The following F13A1 variants were observed in gnomAD, a reference collection of about 807,000 sequenced individuals.
F13A1 encodes the protein coagulation factor XIII A chain.
A neutral mutation model predicts 80.1 loss-of-function variants in F13A1; 47 were observed. That is an observed-to-expected ratio of 0.59 (90% CI 0.46 to 0.75). The LOEUF is 0.75. Ranked by LOEUF, F13A1 falls within the 30% of genes least tolerant of loss-of-function variation. F13A1 has a pLI of 0.00. For missense variants in F13A1, 817 were observed against 930.4 expected, an observed-to-expected ratio of 0.88 and a Z score of 1.59; for synonymous variants, 349 against 344.9, an observed-to-expected ratio of 1.01 and a Z score of -0.13.
intron 10 of F13A1, among the ~76,000 whole-genome samples, chr6:6,195,171 C>T (rs1280926497): frequency 6.6e-6 from 1 of 152,248 alleles, no homozygotes; most frequent in Non-Finnish European, 1.5e-5. Context: ...TGTTCTGCTT[C>T]CAGTCCCTGC....
chr6:6,208,919 T>C (rs1177330138), intron 8 of F13A1, among the ~76,000 whole-genome samples: 1 of 152,174 alleles, frequency 6.6e-6, no homozygotes, highest in Non-Finnish European at 1.5e-5. Context: ...CTTTGTGACC[T>C]TGGATCAAGT....
chr6:6,229,404 T>C (rs1757320041), intron 6 of F13A1, among the ~76,000 whole-genome samples: 2 of 151,996 alleles, frequency 1.3e-5, no homozygotes, highest in East Asian at 3.9e-4. Flanking sequence ...ATACATATTA[T>C]TAAAAATAAA....
intron 14 of F13A1, among the ~76,000 whole-genome samples, chr6:6,146,696 C>T (rs1481186945): frequency 6.6e-6 from 1 of 152,084 alleles, no homozygotes; most frequent in Non-Finnish European, 1.5e-5. Context: ...AGTGAAGTCC[C>T]TTTTTCAAGA....
intron 11 of F13A1, among the ~76,000 whole-genome samples, chr6:6,179,422 C>T (rs1216595933): frequency 6.6e-6 from 1 of 152,010 alleles, no homozygotes; most frequent in Non-Finnish European, 1.5e-5. Flanking sequence ...TGATTCTACT[C>T]ATTTCCATAT....
chr6:6,302,694 C>T (rs929959748), intron 3 of F13A1, among the ~76,000 whole-genome samples: 1 of 123,390 alleles, frequency 8.1e-6, no homozygotes, highest in Non-Finnish European at 1.5e-5. Context: ...ACTTAGGCTA[C>T]AGTACATTTA....
intron 2 of F13A1, among the ~76,000 whole-genome samples, chr6:6,312,656 T>C (rs36150074): frequency 0.73 from 109,076 of 149,690 alleles, 40,125 homozygotes; most frequent in East Asian, 0.85. Context: ...CCAGCCTGGG[T>C]GACAGAGCAA....
intron 11 of F13A1, among the ~76,000 whole-genome samples, chr6:6,176,226 G>A (rs1012648335): frequency 2.6e-5 from 4 of 152,204 alleles, no homozygotes; most frequent in Non-Finnish European, 5.9e-5. Context: ...TAAAGGTATT[G>A]TCTTCTACTT....
At chr6:6,198,424 G>T (rs1386972999) in intron 8 of F13A1, among the ~76,000 whole-genome samples, 3 of 152,202 alleles carry the variant, frequency 2.0e-5, no homozygotes, top group African/African-American at 7.2e-5. Context: ...ATGTGGTGAG[G>T]TAGTTACAGC....
chr6:6,230,671 A>T (rs1298191751), intron 6 of F13A1, among the ~76,000 whole-genome samples: 6 of 152,144 alleles, frequency 3.9e-5, no homozygotes, highest in Non-Finnish European at 8.8e-5. Context: ...CAAAGCTAAG[A>T]ACCCTAACAG....
intron 8 of F13A1, among the ~76,000 whole-genome samples, chr6:6,204,733 A>G (rs932804501): frequency 3.3e-5 from 5 of 152,240 alleles, no homozygotes; most frequent in Admixed American, 2.6e-4. Flanking sequence ...ATAATGAAGG[A>G]AGATGACAGA....
chr6:6,287,745 C>A (rs1488713936), intron 3 of F13A1, among the ~76,000 whole-genome samples: 1 of 152,164 alleles, frequency 6.6e-6, no homozygotes, highest in Non-Finnish European at 1.5e-5. Flanking sequence ...GGATGGCAAT[C>A]CCACCTACTT....
chr6:6,302,823 A>G (rs1032277845), intron 3 of F13A1, among the ~76,000 whole-genome samples: 2 of 152,204 alleles, frequency 1.3e-5, no homozygotes, highest in African/African-American at 4.8e-5. Flanking sequence ...CATTGACTGA[A>G]ATGTTGCTAT....
chr6:6,214,206 C>G (rs1583075203), intron 8 of F13A1, among the ~76,000 whole-genome samples: 2 of 147,852 alleles, frequency 1.4e-5, no homozygotes, highest in East Asian at 3.9e-4. Context: ...AACTCTCCAC[C>G]CCAAATCAAC....
intron 6 of F13A1, among the ~76,000 whole-genome samples, chr6:6,247,122 T>C (rs78198698): frequency 0.032 from 4,863 of 152,280 alleles, 226 homozygotes; most frequent in African/African-American, 0.1. Flanking sequence ...TTGGTTTCTA[T>C]TTTTACTTTT....
At chr6:6,213,861 A>C (rs1313240528) in intron 8 of F13A1, among the ~76,000 whole-genome samples, 1 of 114,860 alleles carries the variant, frequency 8.7e-6, no homozygotes, top group Non-Finnish European at 1.8e-5. Flanking sequence ...AAAACAAAAA[A>C]AGGCAGGGGT....
chr6:6,270,972 CT>C (rs1328636713), intron 3 of F13A1, among the ~76,000 whole-genome samples: 1 of 152,150 alleles, frequency 6.6e-6, no homozygotes, highest in East Asian at 1.9e-4. Flanking sequence ...ATTGGGAAGA[CT>C]TCCAAAGTAA....
intron 6 of F13A1, among the ~76,000 whole-genome samples, chr6:6,231,057 G>T (rs1284002562): frequency 1.3e-5 from 2 of 152,066 alleles, no homozygotes; most frequent in Non-Finnish European, 2.9e-5. Flanking sequence ...CACCAGCAAT[G>T]GATCCAAACA....
intron 3 of F13A1, among the ~76,000 whole-genome samples, chr6:6,300,747 C>T (rs934224424): frequency 5.3e-5 from 8 of 151,208 alleles, no homozygotes; most frequent in Non-Finnish European, 1.0e-4. Context: ...TGTTCCTATT[C>T]GGCCATCTTG....
intron 10 of F13A1, among the ~76,000 whole-genome samples, chr6:6,192,662 A>T (rs530431049): frequency 2.6e-4 from 39 of 152,330 alleles, no homozygotes; most frequent in Non-Finnish European, 4.6e-4. Context: ...ACATCTCCAC[A>T]CGTTGTATAA....
Sources: gnomAD v4.1 joint callset for allele counts (sites outside exome capture counted in the v4.1 genomes callset) on GRCh38, gnomAD v4.1.1 for gene constraint, MANE v1.5 for transcripts, NCBI Gene and HGNC (gene_info 2026-07-23, HGNC 2026-07-21) for gene names.